MICU2: variants seen among roughly 807,000 people sequenced by gnomAD.
The protein encoded by MICU2 is mitochondrial calcium uptake 2.
In MICU2, 64 loss-of-function variants were observed where a neutral mutation model predicts 60.4. The ratio of observed to expected loss-of-function variants is 1.06; its 90% CI spans 0.87 to 1.31. The LOEUF (loss-of-function observed/expected upper bound fraction) is 1.31. Among genes scored for constraint, MICU2 ranks in the 50% most tolerant of loss-of-function variants. The pLI, the probability that MICU2 is intolerant of heterozygous loss-of-function variation, is 0.00. For missense variants in MICU2, 569 were observed against 531.0 expected (o/e 1.07, Z -0.70); for synonymous variants, 201 against 175.0 (o/e 1.15, Z -1.17).
At chr13:21,594,472 C>G (rs572264225) in intron 1 of MICU2, among the ~76,000 whole-genome samples, 3 of 152,058 alleles carry the variant, frequency 2.0e-5, no homozygotes, top group African/African-American at 7.2e-5. Flanking sequence ...GACAGTGTGG[C>G]GACCTCAAGG....
chr13:21,539,584 C>A, intron 3 of MICU2, 73 bp downstream of exon 3: 1 of 1,588,154 alleles, frequency 6.3e-7, no homozygotes, highest in Admixed American at 1.7e-5. Context: ...AGGTGTGAGC[C>A]ACCGTGCCCG....
At chr13:21,497,354 G>A (rs754620422) in intron 9 of MICU2, among the ~76,000 whole-genome samples, 3 of 152,102 alleles carry the variant, frequency 2.0e-5, no homozygotes, top group African/African-American at 7.2e-5. Flanking sequence ...GATGGAGTGA[G>A]ACTCTGTGTA....
chr13:21,547,864 A>T (rs1201178941), intron 2 of MICU2, among the ~76,000 whole-genome samples: 3 of 152,010 alleles, frequency 2.0e-5, no homozygotes, highest in Non-Finnish European at 4.4e-5. Flanking sequence ...CTTCTTAGAG[A>T]TGTTCAAGAA....
In MICU2 at chr13:21,526,202, C is replaced by A. The variant is rs570570074; in HGVS notation, c.467-3552G>T. Among the ~76,000 whole-genome samples, 245 of 149,404 alleles carry A rather than the reference C, an allele frequency of 1.6e-3. 3 individuals carry two copies. Among genetic ancestry groups the A allele is most frequent in the African/African-American group, 5.9e-3 (237 of 40,456 alleles). The stretch of plus-strand genomic sequence containing the variant: ...TTCCTGGGCTCAAGTGATGCTCCTG[C>A]CTCAGCCTCCCAAAGTGCTAGGACT... On this transcript the variant is annotated intron_variant, in intron 4 of 11. Coordinates refer to ENST00000382374, the MANE Select transcript of MICU2 (RefSeq NM_152726.3).
chr13:21,531,125 C>T (rs1419578966), intron 4 of MICU2: 1 of 925,228 alleles, frequency 1.1e-6, no homozygotes, highest in Non-Finnish European at 1.8e-6. Context: ...ACCTAATTGC[C>T]TTTCTTGTGG....
intron 4 of MICU2, among the ~76,000 whole-genome samples, chr13:21,529,652 A>G (rs1048337819): frequency 6.6e-6 from 1 of 152,248 alleles, no homozygotes; most frequent in Non-Finnish European, 1.5e-5. Context: ...CATTTGCCTA[A>G]TTAACAGATC....
intron 6 of MICU2, among the ~76,000 whole-genome samples, chr13:21,520,686 A>C (rs1228815868): frequency 6.6e-6 from 1 of 151,666 alleles, no homozygotes; most frequent in Non-Finnish European, 1.5e-5. Flanking sequence ...ATTAGCACCA[A>C]ATTTTTGGGA....
rs1888902626 is a variant in MICU2, at chr13:21,604,118, C to CT, written c.30_31insA (p.Val11SerfsTer64). The CT allele has an allele frequency of 6.3e-7, 1 of 1,578,060 alleles. No individual in the cohort carries two copies. Among genetic ancestry groups the CT allele is most frequent in the Non-Finnish European group, 8.6e-7 (1 of 1,164,290 alleles). ...CGCAGTTTTCCGCCCCAGGCCGCCA[C>CT]CCGCGCGCAGCTACCCGCAGCCGCC... On this transcript the variant is annotated frameshift_variant, in exon 1 of 12. Coordinates refer to ENST00000382374, the MANE Select transcript of MICU2 (RefSeq NM_152726.3). LOFTEE classifies it high-confidence loss of function.
chr13:21,560,583 CTT>C (rs1411218821), intron 2 of MICU2, among the ~76,000 whole-genome samples: 2 of 152,022 alleles, frequency 1.3e-5, no homozygotes, highest in Admixed American at 1.3e-4. Context: ...GTTCAGGCCC[CTT>C]GTTTTTCCGT....
intron 2 of MICU2, among the ~76,000 whole-genome samples, chr13:21,548,862 C>G (rs1346694158): frequency 6.6e-6 from 1 of 151,006 alleles, no homozygotes; most frequent in Non-Finnish European, 1.5e-5. Context: ...ATCGCCGTAT[C>G]TCAGACCTTC....
At chr13:21,571,759 A>C (rs1888116378) in intron 1 of MICU2, among the ~76,000 whole-genome samples, 1 of 152,222 alleles carries the variant, frequency 6.6e-6, no homozygotes, top group Admixed American at 6.5e-5. Flanking sequence ...ATCTTAAAGG[A>C]TGAGCAGGAG....
intron 1 of MICU2, among the ~76,000 whole-genome samples, chr13:21,576,043 T>A (rs1438788219): frequency 6.6e-6 from 1 of 152,192 alleles, no homozygotes; most frequent in Non-Finnish European, 1.5e-5. Context: ...TAGAAGGTGA[T>A]GTTAGAGCAG....
chr13:21,525,179 CA>C (rs1224487089), intron 4 of MICU2, among the ~76,000 whole-genome samples: 1 of 120,830 alleles, frequency 8.3e-6, no homozygotes, highest in African/African-American at 3.1e-5. Context: ...CTGTGTAATT[CA>C]ATTTTTTTTT....
intron 6 of MICU2, among the ~76,000 whole-genome samples, chr13:21,518,697 C>T (rs1397503394): frequency 6.6e-6 from 1 of 152,066 alleles, no homozygotes; most frequent in Non-Finnish European, 1.5e-5. Flanking sequence ...TACAAATTAC[C>T]CCCATATGAA....
intron 1 of MICU2, among the ~76,000 whole-genome samples, chr13:21,602,385 G>C (rs1015746313): frequency 2.6e-5 from 4 of 152,140 alleles, no homozygotes; most frequent in African/African-American, 9.7e-5. Context: ...AGCCGGGCGC[G>C]ATGGCGGGCG....
intron 2 of MICU2, among the ~76,000 whole-genome samples, chr13:21,561,868 C>T (rs28852978): frequency 2.0e-5 from 2 of 101,456 alleles, no homozygotes; most frequent in Non-Finnish European, 3.8e-5. Context: ...CCCCTCCCCC[C>T]ACCCCACAAC....
At chr13:21,536,310 G>GAT (rs1206119773) in intron 4 of MICU2, among the ~76,000 whole-genome samples, 1 of 150,836 alleles carries the variant, frequency 6.6e-6, no homozygotes, top group African/African-American at 2.4e-5. Flanking sequence ...AGTGTTATAT[G>GAT]ATAAACTTAT....
intron 1 of MICU2, among the ~76,000 whole-genome samples, chr13:21,585,033 AAG>A (rs1358358556): frequency 6.6e-6 from 1 of 152,244 alleles, no homozygotes; most frequent in Non-Finnish European, 1.5e-5. Flanking sequence ...TTTCCCCCAG[AAG>A]AGTCACTGTA....
intron 2 of MICU2, among the ~76,000 whole-genome samples, chr13:21,544,084 G>T (rs915945426): frequency 6.6e-6 from 1 of 152,126 alleles, no homozygotes; most frequent in Non-Finnish European, 1.5e-5. Context: ...TTCAATAAAT[G>T]GTGCTGGGAA....
Sources: allele counts gnomAD v4.1 joint callset (sites outside exome capture counted in the v4.1 genomes callset), GRCh38; gene constraint gnomAD v4.1.1; transcripts MANE v1.5; gene names NCBI Gene and HGNC (gene_info 2026-07-23, HGNC 2026-07-21).